GRIN3A: variants seen among roughly 807,000 people sequenced by gnomAD.
The protein encoded by GRIN3A is glutamate receptor ionotropic, NMDA 3A.
In GRIN3A, 47 loss-of-function variants were observed where a neutral mutation model predicts 92.4. The observed-to-expected ratio is 0.51, with a 90% CI of 0.40 to 0.65. The LOEUF is 0.65. GRIN3A is among the 30% of genes least tolerant of loss of function. The pLI is 0.00. For missense variants in GRIN3A, 1,324 were observed against 1,393.1 expected (o/e 0.95, Z 0.79); for synonymous variants, 527 against 540.6 (o/e 0.97, Z 0.35).
At chr9:101,619,182 A>G (rs1048898061) in intron 5 of GRIN3A, among the ~76,000 whole-genome samples, 1 of 152,206 alleles carries the variant, frequency 6.6e-6, no homozygotes, top group African/African-American at 2.4e-5. Flanking sequence ...TGAAAATAGC[A>G]TCTCAGATAG....
At chr9:101,609,309 A>G (rs1187598789) in intron 6 of GRIN3A, among the ~76,000 whole-genome samples, 1 of 152,230 alleles carries the variant, frequency 6.6e-6, no homozygotes. Flanking sequence ...ACACCTGAAG[A>G]TATCCTAATG....
intron 3 of GRIN3A, among the ~76,000 whole-genome samples, chr9:101,656,682 C>T (rs947338048): frequency 6.6e-6 from 1 of 151,858 alleles, no homozygotes; most frequent in Non-Finnish European, 1.5e-5. Flanking sequence ...CTGGAGTTGC[C>T]AGAACTGCTT....
At chr9:101,671,405 T>C (rs1829322848) in intron 2 of GRIN3A, among the ~76,000 whole-genome samples, 1 of 152,154 alleles carries the variant, frequency 6.6e-6, no homozygotes, top group Admixed American at 6.5e-5. Flanking sequence ...GTGTTAACCA[T>C]TTTCTGTTGT....
rs753725526 is a variant in GRIN3A at position 101,594,544 on chromosome 9, G to A, written c.2767-15184C>T. On this transcript the variant is annotated intron_variant, in intron 6 of 8. Coordinates refer to ENST00000361820, the MANE Select transcript of GRIN3A (RefSeq NM_133445.3). ...TGTCGACCAGCTGCTGGAGCTGCCA[G>A]TCCGTCAGGTTGTTGCCCACCATCA... 8.1e-6 allele frequency: 13 copies of A among 1,614,072 alleles called. No homozygotes were observed. In the African/African-American group the frequency reaches 1.7e-4, roughly 22 times the overall value.
chr9:101,668,368 T>A (rs986847889), intron 3 of GRIN3A, among the ~76,000 whole-genome samples: 1 of 128,086 alleles, frequency 7.8e-6, no homozygotes, highest in Non-Finnish European at 1.6e-5. Flanking sequence ...TATATTAGAT[T>A]TTTTTTTTTA....
intron 2 of GRIN3A, among the ~76,000 whole-genome samples, chr9:101,673,391 G>A (rs1210875999): frequency 1.3e-5 from 2 of 152,094 alleles, no homozygotes; most frequent in Non-Finnish European, 2.9e-5. Flanking sequence ...CAAATCAATA[G>A]GGACCTGAAT....
intron 5 of GRIN3A, among the ~76,000 whole-genome samples, chr9:101,615,494 CTA>C (rs1828433823): frequency 6.6e-6 from 1 of 150,380 alleles, no homozygotes; most frequent in Non-Finnish European, 1.5e-5. Flanking sequence ...GTGGCTGGGA[CTA>C]CAGGCGCCCG....
At chr9:101,673,620 A>G (rs777997268) in intron 2 of GRIN3A, among the ~76,000 whole-genome samples, 3 of 152,152 alleles carry the variant, frequency 2.0e-5, no homozygotes, top group Non-Finnish European at 4.4e-5. Flanking sequence ...TGCTCACTAA[A>G]TTAGTTAAAA....
chr9:101,729,689 A>T (rs1279753817), intron 1 of GRIN3A, among the ~76,000 whole-genome samples: 1 of 152,146 alleles, frequency 6.6e-6, no homozygotes, highest in Non-Finnish European at 1.5e-5. Flanking sequence ...GAGGATTCAG[A>T]TTTGGAACTC....
chr9:101,697,185 T>C (rs1829696094), intron 1 of GRIN3A, among the ~76,000 whole-genome samples: 1 of 152,224 alleles, frequency 6.6e-6, no homozygotes, highest in Non-Finnish European at 1.5e-5. Context: ...TCAATACATT[T>C]CTATTTTAAC....
intron 1 of GRIN3A, among the ~76,000 whole-genome samples, chr9:101,729,181 T>A (rs1217330121): frequency 6.6e-6 from 1 of 152,178 alleles, no homozygotes; most frequent in Non-Finnish European, 1.5e-5. Flanking sequence ...CCAGATCCCT[T>A]TCTATCTTTT....
At chr9:101,700,396 A>G (rs771571929) in intron 1 of GRIN3A, among the ~76,000 whole-genome samples, 1 of 152,180 alleles carries the variant, frequency 6.6e-6, no homozygotes, top group Non-Finnish European at 1.5e-5. Flanking sequence ...ATCGTATTCT[A>G]TCAGGTGGCA....
chr9:101,648,705 T>C (rs865891070), intron 3 of GRIN3A, among the ~76,000 whole-genome samples: 3 of 152,122 alleles, frequency 2.0e-5, no homozygotes, highest in African/African-American at 7.2e-5. Context: ...TTTATCATTA[T>C]GTAATGACCT....
At chr9:101,658,275 A>C (rs1441660088) in intron 3 of GRIN3A, among the ~76,000 whole-genome samples, 7 of 152,012 alleles carry the variant, frequency 4.6e-5, no homozygotes, top group African/African-American at 1.7e-4. Context: ...CCTAGACTAT[A>C]GCAGGTATGT....
At position 101,689,743 on chromosome 9, in the gene GRIN3A, T is replaced by TACACACACACAC. The variant is rs33984810; in HGVS notation, c.700-2555_700-2544dup. ...ATGCATACACATGCACACACACACA[T>TACACACACACAC]ACACACACACACACACACACACACA... On this transcript the variant is annotated intron_variant, in intron 1 of 8. Transcript: ENST00000361820. 2.1e-5 allele frequency among the ~76,000 whole-genome samples: 3 copies of TACACACACACAC among 143,802 alleles called. No homozygotes were observed. In the South Asian group the frequency reaches 6.8e-4, roughly 33 times the overall value. 94.3% of individuals were successfully genotyped at this position (143,802 alleles called of 152,430 possible).
intron 1 of GRIN3A, among the ~76,000 whole-genome samples, chr9:101,723,428 T>C (rs1162176743): frequency 6.6e-6 from 1 of 151,888 alleles, no homozygotes; most frequent in Non-Finnish European, 1.5e-5. Context: ...TCGTGGTGAG[T>C]GTTACAGCTC....
At chr9:101,705,830 C>A (rs1254352735) in intron 1 of GRIN3A, among the ~76,000 whole-genome samples, 2 of 152,168 alleles carry the variant, frequency 1.3e-5, no homozygotes, top group African/African-American at 4.8e-5. Flanking sequence ...ATTATTTATT[C>A]ATTTAATCCT....
chr9:101,675,293 A>G (rs976917821), intron 2 of GRIN3A, among the ~76,000 whole-genome samples: 5 of 152,094 alleles, frequency 3.3e-5, no homozygotes, highest in African/African-American at 1.2e-4. Context: ...TTTGCATAAC[A>G]GCTGAGATAA....
At chr9:101,644,939 A>G (rs28675007) in intron 3 of GRIN3A, among the ~76,000 whole-genome samples, 53,625 of 151,666 alleles carry the variant, frequency 0.35, 9,979 homozygotes, top group African/African-American at 0.48. Flanking sequence ...TGCATACAAT[A>G]TGTAATGATC....
Sources: gnomAD v4.1 joint callset for allele counts (sites outside exome capture counted in the v4.1 genomes callset) on GRCh38, gnomAD v4.1.1 for gene constraint, MANE v1.5 for transcripts, NCBI Gene and HGNC (gene_info 2026-07-23, HGNC 2026-07-21) for gene names.